TBCD: variants seen among roughly 807,000 people sequenced by gnomAD.
The protein encoded by TBCD is tubulin-specific chaperone D.
A neutral mutation model predicts 169.3 loss-of-function variants in TBCD; 105 were observed. The ratio of observed to expected loss-of-function variants is 0.62; its 90% CI spans 0.53 to 0.73. The LOEUF is 0.73. TBCD is among the 30% of genes least tolerant of loss of function. The probability of loss-of-function intolerance (pLI) is 0.00; values close to 1 mark genes in which losing one functional copy is unlikely to be tolerated. For synonymous variants in TBCD, 700 were observed against 643.9 expected, an observed-to-expected ratio of 1.09 and a Z score of -1.32; for missense variants, 1,444 against 1,600.1, an observed-to-expected ratio of 0.90 and a Z score of 1.66.
intron 20 of TBCD, 148 bp downstream of exon 20, chr17:82,906,201 T>C (rs1399620395): frequency 1.5e-6 from 1 of 653,258 alleles, no homozygotes; most frequent in Middle Eastern, 3.1e-4. Context: ...CCCCAGGTTG[T>C]ATTGATGGAG....
At chr17:82,847,356 G>GAAAAAAAAAA (rs1041994030) in intron 13 of TBCD, among the ~76,000 whole-genome samples, 1 of 81,752 alleles carries the variant, frequency 1.2e-5, no homozygotes, top group Non-Finnish European at 2.4e-5. Context: ...CCATGTCAAA[G>GAAAAAAAAAA]AAAAAAAAAA....
intron 9 of TBCD, among the ~76,000 whole-genome samples, chr17:82,803,648 C>G (rs898778537): frequency 1.3e-5 from 2 of 152,216 alleles, no homozygotes; most frequent in Admixed American, 6.5e-5. Flanking sequence ...AGCTTCCCCT[C>G]GCTGGGGATT....
chr17:82,814,014 C>T (rs1598660574), intron 12 of TBCD, among the ~76,000 whole-genome samples: 1 of 152,170 alleles, frequency 6.6e-6, no homozygotes, highest in Admixed American at 6.5e-5. Context: ...TATTTGCTGT[C>T]AAGTCAATTT....
At chr17:82,892,925 G>A (rs2146442510) in intron 16 of TBCD, 1 of 152,318 alleles carries the variant, frequency 6.6e-6, no homozygotes, top group African/African-American at 2.4e-5. Flanking sequence ...GTGGGAGGAG[G>A]TGCCGCCTCT....
intron 2 of TBCD, among the ~76,000 whole-genome samples, chr17:82,757,903 A>G (rs950958428): frequency 6.6e-6 from 1 of 152,092 alleles, no homozygotes; most frequent in Non-Finnish European, 1.5e-5. Context: ...TTCCCAGGAA[A>G]CAGATGTGGT....
In TBCD at chr17:82,911,740, G is replaced by A; in HGVS notation, c.2007-18G>A. The A allele has an allele frequency of 3.7e-6, 6 of 1,613,542 alleles. No homozygotes were observed. The highest frequency in any genetic ancestry group is 4.2e-6 in the Non-Finnish European group (5 of 1,179,628). On this transcript the variant is annotated intron_variant, in intron 22 of 38. Coordinates refer to ENST00000355528, the MANE Select transcript of TBCD (RefSeq NM_005993.5). ...GTCAAGAGGTTCTTCTAATTCTGATGTTTTCATTCCTTTTCAGGGGTCTGG... is the reference window on the plus strand; with the variant it reads ...GTCAAGAGGTTCTTCTAATTCTGATATTTTCATTCCTTTTCAGGGGTCTGG...
chr17:82,941,252 C>CT, intron 37 of TBCD, 147 bp from the exon 38 acceptor site: 2 of 652,988 alleles, frequency 3.1e-6, no homozygotes, highest in Non-Finnish European at 5.2e-6. Context: ...CCTGTGACGT[C>CT]TTTTCTGCCC....
intron 13 of TBCD, among the ~76,000 whole-genome samples, chr17:82,861,250 C>T (rs1033719280): frequency 2.6e-5 from 4 of 152,066 alleles, no homozygotes; most frequent in Non-Finnish European, 4.4e-5. Context: ...TTGGGATGTG[C>T]GGCCGGCTGG....
At chr17:82,865,885 C>A (rs1428302293) in intron 13 of TBCD, among the ~76,000 whole-genome samples, 1 of 152,118 alleles carries the variant, frequency 6.6e-6, no homozygotes, top group Non-Finnish European at 1.5e-5. Flanking sequence ...AATTGGCGTT[C>A]AACAAATGAC....
In TBCD at chr17:82,797,820, G is replaced by A; in HGVS notation, c.817+18G>A. On this transcript the variant is annotated intron_variant, in intron 8 of 38. Coordinates refer to ENST00000355528, the MANE Select transcript of TBCD (RefSeq NM_005993.5). ...GCCCTATGGTAAGGTTTATTTTTAAGAGACGATATCTTTGTGATGTGAGTT... is the reference window on the plus strand; with the variant it reads ...GCCCTATGGTAAGGTTTATTTTTAAAAGACGATATCTTTGTGATGTGAGTT... 6.4e-7 allele frequency: 1 copy of A among 1,562,244 alleles called. No homozygotes were observed.
chr17:82,832,224 G>C lies in TBCD; in HGVS notation c.1318+17290G>C, dbSNP rs2053584714. 1.2e-6 allele frequency: 2 copies of C among 1,614,142 alleles called. No homozygotes were observed. The highest frequency in any genetic ancestry group is 2.7e-5 in the African/African-American group (2 of 74,952). On this transcript the variant is annotated intron_variant, in intron 13 of 38. Transcript: ENST00000355528. The surrounding 1 kb of genome is among the most constrained non-coding windows in gnomAD (Gnocchi z 4.9). ...CTGGCTTCGCCGTGGCATCGGGCTG[G>C]TTGGTTTGCTTGGGGTCTAGTGAGT...
intron 13 of TBCD, among the ~76,000 whole-genome samples, chr17:82,844,383 G>A (rs1029969208): frequency 1.3e-5 from 2 of 152,094 alleles, no homozygotes; most frequent in African/African-American, 4.8e-5. Context: ...CAGTGTGGCT[G>A]CCTGCCTTCC....
intron 22 of TBCD, among the ~76,000 whole-genome samples, chr17:82,909,702 G>A (rs2060492920): frequency 6.6e-6 from 1 of 152,070 alleles, no homozygotes; most frequent in South Asian, 2.1e-4. Flanking sequence ...TTGAGCGGGT[G>A]TCACCCGGCC....
chr17:82,761,736 G>A (rs1474289302), intron 2 of TBCD, among the ~76,000 whole-genome samples: 1 of 129,728 alleles, frequency 7.7e-6, no homozygotes, highest in Admixed American at 7.7e-5. Flanking sequence ...TTTTTTTTGA[G>A]ATGGAGTCTT....
chr17:82,829,180 C>T (rs1174923840), intron 13 of TBCD, among the ~76,000 whole-genome samples: 3 of 151,742 alleles, frequency 2.0e-5, no homozygotes, highest in Admixed American at 6.6e-5. Flanking sequence ...CAAGCGCATA[C>T]CCACACCCGC....
intron 6 of TBCD, among the ~76,000 whole-genome samples, chr17:82,781,132 T>G (rs1751501877): frequency 6.6e-6 from 1 of 150,880 alleles, no homozygotes; most frequent in Admixed American, 6.6e-5. Context: ...GCATGGCAGG[T>G]GTGGGGGAGG....
At chr17:82,820,633 C>G (rs8069402) in intron 13 of TBCD, among the ~76,000 whole-genome samples, 16,263 of 151,944 alleles carry the variant, frequency 0.11, 1,169 homozygotes, top group South Asian at 0.29. Context: ...CCCTATGAGT[C>G]TCTTAGGTTT....
chr17:82,883,787 TTTTCATTCACTGGACC>T (rs2058536879), intron 14 of TBCD, among the ~76,000 whole-genome samples: 1 of 152,222 alleles, frequency 6.6e-6, no homozygotes, highest in Non-Finnish European at 1.5e-5. Context: ...CGTTTCTGTC[TTTTCATTCACTGGACC>T]TCCCCACCTC....
intron 23 of TBCD, among the ~76,000 whole-genome samples, chr17:82,917,168 C>T (rs548500343): frequency 1.3e-4 from 20 of 151,868 alleles, no homozygotes; most frequent in Middle Eastern, 3.4e-3. Flanking sequence ...TACAGGCATG[C>T]GCCACCACAC....
Sources: allele counts gnomAD v4.1 joint callset (sites outside exome capture counted in the v4.1 genomes callset), GRCh38; gene constraint gnomAD v4.1.1; non-coding constraint Gnocchi (gnomAD v3.1); transcripts MANE v1.5; gene names NCBI Gene and HGNC (gene_info 2026-07-23, HGNC 2026-07-21).